The following DIP2C variants were observed in gnomAD, a reference collection of about 807,000 sequenced individuals.
The protein encoded by DIP2C is disco-interacting protein 2 homolog C.
DIP2C carries 33 observed loss-of-function variants against 192.4 expected under a neutral mutation model. The ratio of observed to expected loss-of-function variants is 0.17; its 90% CI spans 0.13 to 0.23. The LOEUF (loss-of-function observed/expected upper bound fraction) is 0.23, where lower values mean the gene tolerates loss of function less well. DIP2C is among the 10% of genes least tolerant of loss of function. The probability of loss-of-function intolerance (pLI) is 1.00; values close to 1 mark genes in which losing one functional copy is unlikely to be tolerated. For missense variants in DIP2C, 1,537 were observed against 2,110.1 expected (o/e 0.73, Z 5.32); for synonymous variants, 979 against 864.1 (o/e 1.13, Z -2.33).
Position 329,588 on chromosome 10 carries a change from G to T in DIP2C, c.3598C>A (p.His1200Asn). The T allele has an allele frequency of 6.2e-7, 1 of 1,614,046 alleles. No homozygotes were observed. Among genetic ancestry groups the T allele is most frequent in the South Asian group, 1.1e-5 (1 of 91,052 alleles). ...LWCLCSVYSG[H>N]QSILIPPSEL... ...GAGGGCGGGATCAGGATGGACTGGT[G>T]CCCAGAATACACACTGCAGAGAAAG... Residue 1200 changes from histidine (H) to asparagine (N), a missense_variant, in exon 30 of 37, where the codon CAC becomes AAC. His to Asn is a moderately conservative substitution (Grantham distance 68). Coordinates refer to ENST00000280886, the MANE Select transcript of DIP2C (RefSeq NM_014974.3).
Position 321,456 on chromosome 10 carries a change from A to G in DIP2C, c.3924+5550T>C, listed in dbSNP as rs188448698. ...ATGTTCTTTGCTGAGTTTGCTCCCT[A>G]TCTCCTGGAGATAAAACTCTTCCCT... is the stretch of plus-strand genomic sequence containing the variant. On this transcript the variant is annotated intron_variant, in intron 31 of 36. Transcript: ENST00000280886. Among the ~76,000 whole-genome samples the G allele has an allele frequency of 3.7e-4, 56 of 152,282 alleles. No homozygotes were observed. The South Asian group carries it at 5.2e-3, about 14-fold the overall frequency.
At chr10:504,667 C>T (rs1169397343) in intron 1 of DIP2C, among the ~76,000 whole-genome samples, 1 of 152,234 alleles carries the variant, frequency 6.6e-6, no homozygotes, top group Non-Finnish European at 1.5e-5. Context: ...GAGACGCTTC[C>T]CGTGTTCCCA....
chr10:440,767 A>G, intron 4 of DIP2C, 104 bp downstream of exon 4: 1 of 1,473,804 alleles, frequency 6.8e-7, no homozygotes, highest in Non-Finnish European at 9.0e-7. Flanking sequence ...AATCTGCATT[A>G]CTGCTTCATT....
At chr10:405,898 C>G (rs1199471957) in intron 9 of DIP2C, among the ~76,000 whole-genome samples, 1 of 152,162 alleles carries the variant, frequency 6.6e-6, no homozygotes, top group African/African-American at 2.4e-5. Flanking sequence ...TGGAACCCGC[C>G]CAAGAGCTAC....
intron 30 of DIP2C, among the ~76,000 whole-genome samples, chr10:327,384 G>C (rs774702992): frequency 1.4e-4 from 22 of 152,202 alleles, no homozygotes; most frequent in Non-Finnish European, 2.8e-4. Context: ...ATTAAGAATG[G>C]AATTACAAAC....
intron 1 of DIP2C, among the ~76,000 whole-genome samples, chr10:677,647 G>A (rs992123107): frequency 2.0e-5 from 3 of 152,172 alleles, no homozygotes; most frequent in African/African-American, 7.2e-5. Context: ...TCCACAAAGG[G>A]TGGGGCCAGG....
chr10:455,297 ACT>A (rs1041484161), intron 3 of DIP2C, among the ~76,000 whole-genome samples: 4 of 144,434 alleles, frequency 2.8e-5, no homozygotes, highest in Middle Eastern at 3.6e-3. Context: ...AGATGAAAAC[ACT>A]CTGCAGTGAG....
intron 36 of DIP2C, among the ~76,000 whole-genome samples, chr10:278,678 C>T (rs576868254): frequency 1.4e-4 from 21 of 152,242 alleles, no homozygotes; most frequent in Non-Finnish European, 2.8e-4. Context: ...GGAAGATTCA[C>T]TCAGAAATGT....
At chr10:310,702 T>C (rs1244892281) in intron 31 of DIP2C, among the ~76,000 whole-genome samples, 1 of 152,212 alleles carries the variant, frequency 6.6e-6, no homozygotes, top group African/African-American at 2.4e-5. Context: ...CACTGGGCTG[T>C]TGATTTTACA....
At chr10:639,411 G>A (rs921731607) in intron 1 of DIP2C, among the ~76,000 whole-genome samples, 4 of 145,226 alleles carry the variant, frequency 2.8e-5, no homozygotes, top group African/African-American at 7.6e-5. Flanking sequence ...AGTGCTGTCC[G>A]GCTCACGGTC....
At chr10:653,671 T>G (rs989617466) in intron 1 of DIP2C, among the ~76,000 whole-genome samples, 4 of 152,180 alleles carry the variant, frequency 2.6e-5, no homozygotes, top group African/African-American at 7.2e-5. Flanking sequence ...TGAGACATAC[T>G]AACAGAATAC....
At chr10:356,163 TATC>T in intron 24 of DIP2C, 3 of 579,184 alleles carry the variant, frequency 5.2e-6, no homozygotes, top group Non-Finnish European at 9.3e-6. Flanking sequence ...CTCTTGCAGA[TATC>T]ATTACTCATT....
intron 1 of DIP2C, among the ~76,000 whole-genome samples, chr10:578,575 C>T (rs1850334857): frequency 6.6e-6 from 1 of 152,198 alleles, no homozygotes. Context: ...TACTAACCTG[C>T]CAAATTTCAC....
intron 1 of DIP2C, among the ~76,000 whole-genome samples, chr10:497,221 A>G (rs1198325830): frequency 6.6e-6 from 1 of 152,242 alleles, no homozygotes; most frequent in African/African-American, 2.4e-5. Context: ...TTTAGGGAAT[A>G]ATGAAAAAGT....
chr10:567,225 G>A (rs750482401), intron 1 of DIP2C, among the ~76,000 whole-genome samples: 2 of 152,038 alleles, frequency 1.3e-5, no homozygotes, highest in Non-Finnish European at 2.9e-5. Flanking sequence ...ATATCACTCT[G>A]TCGCCCAGAC....
intron 3 of DIP2C, among the ~76,000 whole-genome samples, chr10:465,503 C>T (rs951958098): frequency 4.6e-5 from 7 of 152,042 alleles, no homozygotes; most frequent in African/African-American, 1.5e-4. Context: ...TCTCTCACCA[C>T]TCCTATTCAA....
intron 17 of DIP2C, among the ~76,000 whole-genome samples, chr10:379,837 C>T (rs116141488): frequency 0.016 from 2,452 of 151,978 alleles, 74 homozygotes; most frequent in African/African-American, 0.056. Flanking sequence ...GGGGCTGTCC[C>T]TGGAAGATGG....
chr10:328,916 G>A (rs528174479), intron 30 of DIP2C, among the ~76,000 whole-genome samples: 2 of 152,294 alleles, frequency 1.3e-5, no homozygotes, highest in African/African-American at 4.8e-5. Context: ...GGTTTAAATG[G>A]AGGGAAATAC....
chr10:644,357 T>C (rs1258825557), intron 1 of DIP2C, among the ~76,000 whole-genome samples: 1 of 152,266 alleles, frequency 6.6e-6, no homozygotes. Flanking sequence ...TGTCTCCTGG[T>C]CACTAAGAAG....
Sources: gnomAD v4.1 joint callset for allele counts (sites outside exome capture counted in the v4.1 genomes callset) on GRCh38, gnomAD v4.1.1 for gene constraint, MANE v1.5 for transcripts, NCBI Gene and HGNC (gene_info 2026-07-23, HGNC 2026-07-21) for gene names.